Variants in CSMD1 observed in about 807,000 individuals in gnomAD.
The protein encoded by CSMD1 is CUB and sushi domain-containing protein 1.
CSMD1 carries 213 observed loss-of-function variants against 417.5 expected under a neutral mutation model. That is an observed-to-expected ratio of 0.51 (90% confidence interval 0.46 to 0.57). CSMD1 has a LOEUF of 0.57. Ranked by LOEUF, CSMD1 falls within the 20% of genes least tolerant of loss-of-function variation. CSMD1 has a pLI of 0.00. For synonymous variants in CSMD1, 2,862 were observed against 1,736.8 expected (o/e 1.65, Z -16.11); for missense variants, 6,923 against 4,529.7 (o/e 1.53, Z -15.17).
chr8:4,203,608 CACTCA>C (rs1799797572), intron 3 of CSMD1, among the ~76,000 whole-genome samples: 1 of 152,114 alleles, frequency 6.6e-6, no homozygotes, highest in Non-Finnish European at 1.5e-5. Flanking sequence ...GCAGCTGTGG[CACTCA>C]AAATATGTAT....
chr8:4,860,377 A>G (rs1802056327), intron 1 of CSMD1, among the ~76,000 whole-genome samples: 1 of 151,654 alleles, frequency 6.6e-6, no homozygotes, highest in Non-Finnish European at 1.5e-5. Context: ...TAACCTGCAC[A>G]ATGGGCACAT....
chr8:4,155,172 A>G (rs1050883055), intron 3 of CSMD1, among the ~76,000 whole-genome samples: 3 of 152,214 alleles, frequency 2.0e-5, no homozygotes, highest in South Asian at 4.1e-4. Flanking sequence ...GACTGTTTAC[A>G]TAATTTGCCC....
At chr8:4,539,969 G>A (rs779886429) in intron 2 of CSMD1, among the ~76,000 whole-genome samples, 20 of 152,276 alleles carry the variant, frequency 1.3e-4, no homozygotes, top group South Asian at 4.1e-4. Flanking sequence ...TCCAGGTGCT[G>A]CCTGCAGATG....
intron 5 of CSMD1, among the ~76,000 whole-genome samples, chr8:3,774,878 A>G (rs1798814355): frequency 6.6e-6 from 1 of 152,172 alleles, no homozygotes; most frequent in African/African-American, 2.4e-5. Flanking sequence ...CAGAGTGCTG[A>G]GCCCATATGT....
intron 3 of CSMD1, among the ~76,000 whole-genome samples, chr8:4,311,355 T>C (rs1256999337): frequency 1.3e-5 from 2 of 152,120 alleles, no homozygotes; most frequent in Non-Finnish European, 2.9e-5. Context: ...TGCAGCAACA[T>C]GGATGGAGCT....
chr8:3,469,094 T>G (rs757623780), intron 11 of CSMD1: 1 of 298,534 alleles, frequency 3.3e-6, no homozygotes. Context: ...CCATCCCATT[T>G]TCCTGGAACC....
At chr8:4,427,122 AG>A (rs1371422083) in intron 2 of CSMD1, among the ~76,000 whole-genome samples, 1 of 152,064 alleles carries the variant, frequency 6.6e-6, no homozygotes, top group Non-Finnish European at 1.5e-5. Flanking sequence ...CCTTATAGAA[AG>A]CCTCTCCTGC....
chr8:4,323,126 G>C (rs1051642734), intron 3 of CSMD1, among the ~76,000 whole-genome samples: 1 of 152,222 alleles, frequency 6.6e-6, no homozygotes, highest in Non-Finnish European at 1.5e-5. Flanking sequence ...TTAATTGGTG[G>C]TTCCAAAGTT....
At chr8:3,614,870 C>T (rs754175977) in intron 8 of CSMD1, among the ~76,000 whole-genome samples, 1 of 152,120 alleles carries the variant, frequency 6.6e-6, no homozygotes, top group Non-Finnish European at 1.5e-5. Context: ...CGTGATGATG[C>T]ACTGTTGTCA....
chr8:3,063,137 G>A lies in CSMD1; in HGVS notation c.7475-10490C>T, dbSNP rs750837133. On this transcript the variant is annotated intron_variant, in intron 49 of 69. Transcript: ENST00000635120. ...AAACTTACAGAAGGATTTTATGCAC[G>A]CTCTTTGTGGCCGATTTCAAAGGGA... Among the ~76,000 whole-genome samples, 45 of 152,080 alleles carry A rather than the reference G, an allele frequency of 3.0e-4. 1 individual carries two copies. Among genetic ancestry groups the A allele is most frequent in the African/African-American group, 8.9e-4 (37 of 41,422 alleles).
intron 49 of CSMD1, among the ~76,000 whole-genome samples, chr8:3,059,885 C>T (rs1295854204): frequency 6.6e-6 from 1 of 152,050 alleles, no homozygotes; most frequent in Non-Finnish European, 1.5e-5. Context: ...AAACGGGATT[C>T]ACTTCAGGGC....
chr8:3,634,319 G>C (rs949798188), intron 7 of CSMD1, among the ~76,000 whole-genome samples: 1 of 152,200 alleles, frequency 6.6e-6, no homozygotes, highest in African/African-American at 2.4e-5. Flanking sequence ...TCAGCAATGT[G>C]GGTGGACAGC....
chr8:4,718,089 C>A (rs768693183), intron 1 of CSMD1, among the ~76,000 whole-genome samples: 1 of 152,084 alleles, frequency 6.6e-6, no homozygotes, highest in Non-Finnish European at 1.5e-5. Flanking sequence ...GAGATCCTCC[C>A]ACTTCCTCAA....
At chr8:3,937,124 G>T (rs143348823) in intron 5 of CSMD1, among the ~76,000 whole-genome samples, 5 of 152,164 alleles carry the variant, frequency 3.3e-5, no homozygotes, top group African/African-American at 1.2e-4. Context: ...ACGAGGAGCT[G>T]CTTCTTATGG....
At chr8:4,806,641 C>G (rs974893932) in intron 1 of CSMD1, among the ~76,000 whole-genome samples, 1 of 152,146 alleles carries the variant, frequency 6.6e-6, no homozygotes. Flanking sequence ...TAAAATCATC[C>G]TGAAACCATA....
chr8:3,438,330 C>T (rs1339081493), intron 12 of CSMD1, among the ~76,000 whole-genome samples: 1 of 152,174 alleles, frequency 6.6e-6, no homozygotes, highest in East Asian at 1.9e-4. Flanking sequence ...AACATCACCA[C>T]CAGTATACTG....
chr8:3,254,942 G>C (rs1207975526), intron 26 of CSMD1, among the ~76,000 whole-genome samples: 2 of 152,100 alleles, frequency 1.3e-5, no homozygotes, highest in Non-Finnish European at 2.9e-5. Flanking sequence ...AGGAGGAGAG[G>C]TGCTCTGATT....
At chr8:4,943,238 G>A (rs1585378221) in intron 1 of CSMD1, among the ~76,000 whole-genome samples, 1 of 152,242 alleles carries the variant, frequency 6.6e-6, no homozygotes, top group Non-Finnish European at 1.5e-5. Flanking sequence ...GCTCATGCTT[G>A]TAATCCCAGC....
intron 3 of CSMD1, among the ~76,000 whole-genome samples, chr8:4,189,948 G>A (rs971445709): frequency 6.6e-6 from 1 of 151,250 alleles, no homozygotes; most frequent in Non-Finnish European, 1.5e-5. Flanking sequence ...AAAGCAGAGA[G>A]CATAGTGTAG....
Sources: allele counts gnomAD v4.1 joint callset (sites outside exome capture counted in the v4.1 genomes callset), GRCh38; gene constraint gnomAD v4.1.1; transcripts MANE v1.5; gene names NCBI Gene and HGNC (gene_info 2026-07-23, HGNC 2026-07-21).